Variants in ANKMY1 observed in about 807,000 individuals in gnomAD.
ANKMY1 encodes the protein ankyrin repeat and MYND domain containing 1, also known as ankyrin repeat and MYND domain-containing protein 1.
A neutral mutation model predicts 102.0 loss-of-function variants in ANKMY1; 98 were observed. The observed-to-expected ratio is 0.96, with a 90% CI of 0.82 to 1.14. The LOEUF (loss-of-function observed/expected upper bound fraction) is 1.14, where lower values mean the gene tolerates loss of function less well. Among genes scored for constraint, ANKMY1 ranks in the 50% most tolerant of loss-of-function variants. The pLI, the probability that ANKMY1 is intolerant of heterozygous loss-of-function variation, is 0.00. For missense variants in ANKMY1, 1,330 were observed against 1,347.6 expected (o/e 0.99, Z 0.20); for synonymous variants, 582 against 559.9 (o/e 1.04, Z -0.56).
Position 240,529,581 on chromosome 2 carries a change from T to G in ANKMY1, c.481-72A>C. 1 of 1,368,776 alleles carries G rather than the reference T, an allele frequency of 7.3e-7. No homozygotes were observed. Among genetic ancestry groups the G allele is most frequent in the Non-Finnish European group, 9.8e-7 (1 of 1,023,114 alleles). The allele number at this position is 1,368,776 out of a possible 1,614,324, so 84.8% of individuals were successfully genotyped here. Reference sequence around the variant, plus strand: ...TGCACATGTGATCATGTTTGTAACGTCAAAAGAAATCCCAAAAAAGAAAAC... The same window carrying G: ...TGCACATGTGATCATGTTTGTAACGGCAAAAGAAATCCCAAAAAAGAAAAC... On this transcript the variant is annotated intron_variant, in intron 4 of 17. Coordinates refer to ENST00000401804, the MANE Select transcript of ANKMY1 (RefSeq NM_001282771.3). The surrounding 1 kb of genome is among the most constrained non-coding windows in gnomAD (Gnocchi z 4.2).
chr2:240,544,901 T>C (rs1281892950), intron 4 of ANKMY1, among the ~76,000 whole-genome samples: 1 of 152,060 alleles, frequency 6.6e-6, no homozygotes. Context: ...CAGTCTGAGA[T>C]CAAACTGCAA....
In ANKMY1 at chr2:240,544,660, G is replaced by C. The variant is rs375790307; in HGVS notation, c.480+8254C>G. Among the ~76,000 whole-genome samples, 4 of 152,334 alleles carry C rather than the reference G, an allele frequency of 2.6e-5. No individual in the cohort carries two copies. The South Asian group carries it at 8.3e-4, about 32-fold the overall frequency. On this transcript the variant is annotated intron_variant, in intron 4 of 17. Coordinates refer to ENST00000401804, the MANE Select transcript of ANKMY1 (RefSeq NM_001282771.3). ...AGGTCAGTGGGTGCGCGCACTGTGC[G>C]CAAGCCGAAGCCGGGCGAGGCATTG...
rs2083344700 is a variant in ANKMY1, at chr2:240,526,148, G to A, written c.1170+81C>T. 37 of 1,520,612 alleles carry A rather than the reference G, an allele frequency of 2.4e-5. No individual in the cohort carries two copies. In the East Asian group the frequency reaches 8.3e-4, roughly 34 times the overall value. The allele number at this position is 1,520,612 out of a possible 1,614,324, so 94.2% of individuals were successfully genotyped here. ...GTACCTCAGCTCTGCTCCTGCAGAGGGGGCCACAGAGGGCCACCCACATGT... is the reference window on the plus strand; with the variant it reads ...GTACCTCAGCTCTGCTCCTGCAGAGAGGGCCACAGAGGGCCACCCACATGT... On this transcript the variant is annotated intron_variant, in intron 6 of 17. Coordinates refer to ENST00000401804, the MANE Select transcript of ANKMY1 (RefSeq NM_001282771.3).
chr2:240,513,209 C>G (rs2080576565), intron 9 of ANKMY1, among the ~76,000 whole-genome samples: 1 of 152,198 alleles, frequency 6.6e-6, no homozygotes. Context: ...CCACCCTGAA[C>G]CAGTGTGATT....
intron 10 of ANKMY1, among the ~76,000 whole-genome samples, chr2:240,512,386 T>C (rs561082419): frequency 6.6e-6 from 1 of 152,346 alleles, no homozygotes; most frequent in African/African-American, 2.4e-5. Flanking sequence ...TTGCGGCCCA[T>C]GACTGGGGGT....
chr2:240,512,966 G>A, intron 9 of ANKMY1, 24 bp from the exon 10 acceptor site: 1 of 1,604,990 alleles, frequency 6.2e-7, no homozygotes, highest in Non-Finnish European at 8.5e-7. Flanking sequence ...ACCGGGGCGG[G>A]CAGTGAGGCA....
chr2:240,475,894 G>A (rs954574305), downstream of ANKMY1, among the ~76,000 whole-genome samples: 1 of 152,216 alleles, frequency 6.6e-6, no homozygotes, highest in East Asian at 1.9e-4. Context: ...TCATGGATTG[G>A]AAGAATACTG....
intron 15 of ANKMY1, among the ~76,000 whole-genome samples, chr2:240,484,489 T>G (rs1451788141): frequency 6.6e-6 from 1 of 152,230 alleles, no homozygotes; most frequent in Non-Finnish European, 1.5e-5. Context: ...TTGGGAAAAC[T>G]GGCTAGCCAT....
intron 4 of ANKMY1, among the ~76,000 whole-genome samples, chr2:240,535,758 A>T (rs1344063520): frequency 6.6e-6 from 1 of 152,090 alleles, no homozygotes; most frequent in Admixed American, 6.6e-5. Context: ...CAAGATTTTT[A>T]AAAAATCAGA....
chr2:240,538,227 C>G (rs560266680), intron 4 of ANKMY1, among the ~76,000 whole-genome samples: 2 of 152,340 alleles, frequency 1.3e-5, no homozygotes, highest in Admixed American at 6.5e-5. Flanking sequence ...GGGCCCCTCT[C>G]TGGGGCTGGC....
Position 240,529,045 on chromosome 2 carries a change from G to A in ANKMY1, c.945C>T (p.Tyr315=). The A allele has an allele frequency of 1.9e-6, 3 of 1,613,952 alleles. No individual in the cohort carries two copies. The highest frequency in any genetic ancestry group is 1.1e-5 in the South Asian group (1 of 91,064). ...PLLVKIQKQT[Y]KFRNKPAHTS... ...AGTAGCAGACTAGTCACCTGAACTTGTAAGTTTGCTTCTGGATTTTGACCA... is the reference window on the plus strand; with the variant it reads ...AGTAGCAGACTAGTCACCTGAACTTATAAGTTTGCTTCTGGATTTTGACCA... Residue 315 remains tyrosine (Y), a synonymous_variant, in exon 5 of 18, where the codon TAC becomes TAT. Transcript: ENST00000401804. The surrounding 1 kb of genome is among the most constrained non-coding windows in gnomAD (Gnocchi z 4.2).
At chr2:240,509,610 G>T (rs1441301610) in intron 11 of ANKMY1, among the ~76,000 whole-genome samples, 155 bp from the exon 12 acceptor site, 1 of 152,150 alleles carries the variant, frequency 6.6e-6, no homozygotes, top group Non-Finnish European at 1.5e-5. Flanking sequence ...GTTCAAAATT[G>T]TGGATGCATA....
intron 4 of ANKMY1, among the ~76,000 whole-genome samples, chr2:240,534,214 T>C (rs1308184033): frequency 6.6e-6 from 1 of 152,252 alleles, no homozygotes; most frequent in Admixed American, 6.5e-5. Context: ...ACTGGGGCTC[T>C]TGACATGCAT....
upstream of ANKMY1, chr2:240,558,019 C>T: frequency 3.1e-6 from 3 of 969,592 alleles, no homozygotes; most frequent in Non-Finnish European, 3.7e-6. Context: ...GGAGACAGCC[C>T]CGCCCCATGC....
At chr2:240,470,190 C>T in the ANKMY1 span, among the ~76,000 whole-genome samples, 9 of 152,312 alleles carry the variant, frequency 5.9e-5, no homozygotes, top group South Asian at 1.0e-3. Flanking sequence ...TTGGGACAGA[C>T]GACTAACTCC....
chr2:240,482,182 C>G lies in ANKMY1; in HGVS notation c.2885+1G>C. 1 of 1,612,530 alleles carries G rather than the reference C, an allele frequency of 6.2e-7. No individual in the cohort carries two copies. The highest frequency in any genetic ancestry group is 1.1e-5 in the South Asian group (1 of 90,734). On this transcript the variant is annotated splice_donor_variant, in intron 16 of 17. Coordinates refer to ENST00000401804, the MANE Select transcript of ANKMY1 (RefSeq NM_001282771.3). LOFTEE classifies it high-confidence loss of function. ...AGAACCCAGCCTGCAGACACACTTACTGCCCCTGCTCCTTCACATCCAGGC... is the reference window on the plus strand; with the variant it reads ...AGAACCCAGCCTGCAGACACACTTAGTGCCCCTGCTCCTTCACATCCAGGC...
In ANKMY1 at chr2:240,509,405, G is replaced by T. The variant is rs140218422; in HGVS notation, c.2337C>A (p.Asn779Lys). ...RLLLSHGANP[N>K]LLWSGHSPLS... Reference sequence around the variant, plus strand: ...GCGGGGAGTGGCCACTCCACAGCAGGTTAGGATTTGCTCCGTGGGATAGAA... The same window carrying T: ...GCGGGGAGTGGCCACTCCACAGCAGTTTAGGATTTGCTCCGTGGGATAGAA... The change falls in exon 12 of 18, where the codon AAC becomes AAA. Residue 779 changes from asparagine (N) to lysine (K), a missense_variant. By Grantham distance (94) the Asn-to-Lys change is moderately conservative. Coordinates refer to ENST00000401804, the MANE Select transcript of ANKMY1 (RefSeq NM_001282771.3). The T allele has an allele frequency of 1.2e-6, 2 of 1,613,742 alleles. No individual in the cohort carries two copies. The highest frequency in any genetic ancestry group is 2.7e-5 in the African/African-American group (2 of 74,904).
In ANKMY1 at chr2:240,499,874, T is replaced by TGGACG; in HGVS notation, c.2806+83_2806+84insCGTCC. 6.9e-7 allele frequency: 1 copy of TGGACG among 1,453,954 alleles called. No homozygotes were observed. The highest frequency in any genetic ancestry group is 1.4e-5 in the South Asian group (1 of 69,044). 90.1% of individuals were successfully genotyped at this position (1,453,954 alleles called of 1,614,324 possible). A position where few individuals can be genotyped will look rare whatever the true frequency, so the allele number is the denominator to read the frequency against. ...AGGCCCCTCCAAGAGCCCCAGGGGG[T>TGGACG]CCAGATCTCCAGGGATAACAGCCCC... On this transcript the variant is annotated intron_variant, in intron 15 of 17. Transcript: ENST00000401804. The surrounding 1 kb of genome is among the most constrained non-coding windows in gnomAD (Gnocchi z 4.2).
At chr2:240,532,619 A>G (rs967028010) in intron 4 of ANKMY1, among the ~76,000 whole-genome samples, 3 of 152,230 alleles carry the variant, frequency 2.0e-5, no homozygotes, top group African/African-American at 7.2e-5. Context: ...ACATAGATAT[A>G]AAGCCACTCT....
Sources: gnomAD v4.1 joint callset for allele counts (sites outside exome capture counted in the v4.1 genomes callset) on GRCh38, gnomAD v4.1.1 for gene constraint, Gnocchi (gnomAD v3.1) non-coding constraint, MANE v1.5 for transcripts, NCBI Gene and HGNC (gene_info 2026-07-23, HGNC 2026-07-21) for gene names.